RABL2B: variants seen among roughly 807,000 people sequenced by gnomAD.
RABL2B encodes the protein rab-like protein 2B.
RABL2B carries 17 observed loss-of-function variants against 26.7 expected under a neutral mutation model. The observed-to-expected ratio is 0.64, with a 90% CI of 0.44 to 0.95. The LOEUF (loss-of-function observed/expected upper bound fraction) is 0.95. Ranked by LOEUF, RABL2B falls within the 40% of genes least tolerant of loss-of-function variation. RABL2B has a pLI of 0.00. For missense variants in RABL2B, 170 were observed against 277.2 expected (o/e 0.61, Z 2.75); for synonymous variants, 70 against 103.9 (o/e 0.67, Z 1.99).
chr22:50,773,489 T>C (rs1327175544), intron 5 of RABL2B, among the ~76,000 whole-genome samples: 13 of 151,968 alleles, frequency 8.6e-5, no homozygotes, highest in Non-Finnish European at 1.8e-4. Context: ...CCCAGCATCC[T>C]GCACACGTGC....
chr22:50,777,297 C>T (rs781313471), intron 3 of RABL2B, among the ~76,000 whole-genome samples: 5 of 151,976 alleles, frequency 3.3e-5, no homozygotes, highest in Admixed American at 6.6e-5. Context: ...AGCCAAATGA[C>T]GCAGGTGGGC....
rs1388909297 is a variant in RABL2B, at chr22:50,768,081, C to T, written c.*695G>A. The T allele has an allele frequency of 7.2e-5, 15 of 207,428 alleles. No individual in the cohort carries two copies. The highest frequency in any genetic ancestry group is 1.2e-4 in the Non-Finnish European group (12 of 101,038). The allele number at this position is 207,428 out of a possible 1,614,324, so 12.8% of individuals were successfully genotyped here. A position where few individuals can be genotyped will look rare whatever the true frequency, so the allele number is the denominator to read the frequency against. ...CATCCTGGGCAACATGGTGAAACCC[C>T]GTCTCTACTAAAAATACAAAAATTA... On this transcript the variant is annotated 3_prime_UTR_variant, in exon 9 of 9. Coordinates refer to ENST00000691320, the MANE Select transcript of RABL2B (RefSeq NM_001130919.3).
intron 2 of RABL2B, among the ~76,000 whole-genome samples, chr22:50,781,404 G>A (rs1248662839): frequency 6.9e-6 from 1 of 145,680 alleles, no homozygotes; most frequent in Non-Finnish European, 1.5e-5. Context: ...GTGGGGAAGA[G>A]AGAGAGAGAG....
intron 2 of RABL2B, among the ~76,000 whole-genome samples, chr22:50,780,033 A>G (rs1460643609): frequency 3.3e-5 from 5 of 152,080 alleles, no homozygotes; most frequent in African/African-American, 1.2e-4. Flanking sequence ...ACCTGGGGTC[A>G]AAAGAAATCT....
intron 6 of RABL2B, 86 bp from the exon 7 acceptor site, chr22:50,769,638 C>T: frequency 1.3e-6 from 2 of 1,595,128 alleles, no homozygotes; most frequent in Non-Finnish European, 1.7e-6. Flanking sequence ...GCCTTCATTC[C>T]AGAAAGTGGG....
intron 2 of RABL2B, among the ~76,000 whole-genome samples, chr22:50,781,400 A>AAGAGAGAGAGAGAGAGAGAGAGAGAG (rs3044691): frequency 2.8e-5 from 4 of 141,738 alleles, no homozygotes; most frequent in Non-Finnish European, 4.5e-5. Flanking sequence ...TGTGGTGGGG[A>AAGAGAGAGAGAGAGAGAGAGAGAGAG]AGAGAGAGAG....
chr22:50,782,390 C>G, intron 1 of RABL2B, 43 bp from the exon 2 acceptor site: 1 of 1,456,546 alleles, frequency 6.9e-7, no homozygotes, highest in Non-Finnish European at 9.4e-7. Flanking sequence ...AGAGATAAGT[C>G]CCCTCAACCA....
intron 2 of RABL2B, chr22:50,780,850 A>T (rs1237397802): frequency 2.5e-6 from 1 of 392,496 alleles, no homozygotes; most frequent in Non-Finnish European, 5.3e-6. Context: ...ACCAAGATAC[A>T]TTCTCCGAAA....
At position 50,776,766 on chromosome 22, in the gene RABL2B, G is replaced by A. The variant is rs782545925; in HGVS notation, c.138-17C>T. 11 of 1,597,880 alleles carry A rather than the reference G, an allele frequency of 6.9e-6. No individual in the cohort carries two copies. Among genetic ancestry groups the A allele is most frequent in the African/African-American group, 1.3e-5 (1 of 74,494 alleles). ...TGTGGCTGACTGCACTCAGGTTAAG[G>A]AGCAAAATCAATAAAAGGGGAGGTA... On this transcript the variant is annotated splice_polypyrimidine_tract_variant and intron_variant, in intron 3 of 8. Coordinates refer to ENST00000691320, the MANE Select transcript of RABL2B (RefSeq NM_001130919.3).
At chr22:50,776,259 C>T (rs2084962896) in intron 4 of RABL2B, among the ~76,000 whole-genome samples, 1 of 152,176 alleles carries the variant, frequency 6.6e-6, no homozygotes, top group Admixed American at 6.5e-5. Context: ...AAGATTATGA[C>T]CCGATGGAAG....
chr22:50,769,611 G>C (rs1407147928), intron 6 of RABL2B, 59 bp from the exon 7 acceptor site: 45 of 1,604,542 alleles, frequency 2.8e-5, no homozygotes, highest in East Asian at 1.8e-4. Flanking sequence ...AAGGTTTGGA[G>C]GGGGGGGCCA....
intron 2 of RABL2B, among the ~76,000 whole-genome samples, chr22:50,781,408 G>GAC (rs1360377587): frequency 6.6e-6 from 1 of 150,580 alleles, no homozygotes; most frequent in African/African-American, 2.4e-5. Context: ...GGAAGAGAGA[G>GAC]AGAGAGAGAG....
At chr22:50,779,576 A>G (rs1555926967) in intron 2 of RABL2B, among the ~76,000 whole-genome samples, 1 of 152,014 alleles carries the variant, frequency 6.6e-6, no homozygotes, top group Admixed American at 6.6e-5. Context: ...TTGCACAACG[A>G]TGATAGGCAA....
intron 5 of RABL2B, among the ~76,000 whole-genome samples, chr22:50,774,074 T>G (rs1555921301): frequency 6.6e-6 from 1 of 152,144 alleles, no homozygotes; most frequent in Non-Finnish European, 1.5e-5. Context: ...TTTTTGTATT[T>G]TTAGTAGAGA....
In RABL2B at chr22:50,767,695, G is replaced by C; in HGVS notation, c.*1081C>G. The C allele has an allele frequency of 2.2e-6, 1 of 451,902 alleles. No homozygotes were observed. The highest frequency in any genetic ancestry group is 4.4e-6 in the Non-Finnish European group (1 of 224,944). 28.0% of individuals were successfully genotyped at this position (451,902 alleles called of 1,614,324 possible). On this transcript the variant is annotated 3_prime_UTR_variant, in exon 9 of 9. Coordinates refer to ENST00000691320, the MANE Select transcript of RABL2B (RefSeq NM_001130919.3). ...CCTCAGCCTCCCACAGGAGGCACAA[G>C]GTCCAAACTATTCCTCAAAAAAAAG...
chr22:50,773,508 C>G (rs1457800997), intron 5 of RABL2B, among the ~76,000 whole-genome samples: 1 of 151,940 alleles, frequency 6.6e-6, no homozygotes, highest in Non-Finnish European at 1.5e-5. Flanking sequence ...GCATCACAGA[C>G]AGTCCATGTT....
rs573155131 is a variant in RABL2B at position 50,772,847 on chromosome 22, C to T, written c.298-2831G>A. ...GAGCATCTGTTCCTTGTTTTGAGAG[C>T]TGAGGAGGAGCTGGCTAGAATGAGG... is the stretch of plus-strand genomic sequence containing the variant. On this transcript the variant is annotated intron_variant, in intron 5 of 8. Coordinates refer to ENST00000691320, the MANE Select transcript of RABL2B (RefSeq NM_001130919.3). The T allele has an allele frequency of 2.2e-4, 263 of 1,180,678 alleles. No homozygotes were observed. In the African/African-American group the frequency reaches 3.8e-3, roughly 17 times the overall value. 73.1% of individuals were successfully genotyped at this position (1,180,678 alleles called of 1,614,324 possible).
chr22:50,771,122 A>G (rs2084097333), intron 5 of RABL2B: 1 of 150,490 alleles, frequency 6.6e-6, no homozygotes, highest in Non-Finnish European at 1.5e-5. Context: ...AGCTCACTGC[A>G]ACCTTTGCCT....
chr22:50,769,656 G>A (rs1454948872), intron 6 of RABL2B, 104 bp from the exon 7 acceptor site: 1 of 1,562,952 alleles, frequency 6.4e-7, no homozygotes, highest in Admixed American at 1.7e-5. Context: ...GGGATAGGCA[G>A]GGATGATTGG....
Sources: gnomAD v4.1 joint callset for allele counts (sites outside exome capture counted in the v4.1 genomes callset) on GRCh38, gnomAD v4.1.1 for gene constraint, MANE v1.5 for transcripts, NCBI Gene and HGNC (gene_info 2026-07-23, HGNC 2026-07-21) for gene names.